OPCML: variants seen among roughly 807,000 people sequenced by gnomAD.
The protein encoded by OPCML is opioid-binding protein/cell adhesion molecule.
A neutral mutation model predicts 37.8 loss-of-function variants in OPCML; 13 were observed. The ratio of observed to expected loss-of-function variants is 0.34; its 90% CI spans 0.22 to 0.55. The LOEUF is 0.55. Ranked by LOEUF, OPCML falls within the 20% of genes least tolerant of loss-of-function variation. The pLI is 0.91. For missense variants in OPCML, 341 were observed against 435.6 expected (o/e 0.78, Z 1.93); for synonymous variants, 176 against 168.8 (o/e 1.04, Z -0.33).
At chr11:133,061,251 T>C (rs1948336289) in intron 1 of OPCML, among the ~76,000 whole-genome samples, 1 of 152,230 alleles carries the variant, frequency 6.6e-6, no homozygotes, top group African/African-American at 2.4e-5. Context: ...TGTTTAAAAC[T>C]GTCTACGTCT....
chr11:133,470,898 C>G (rs74666399), intron 1 of OPCML, among the ~76,000 whole-genome samples: 8,889 of 152,220 alleles, frequency 0.058, 806 homozygotes, highest in African/African-American at 0.2. Context: ...CCAAACAAAG[C>G]TGGTCCCTGA....
At chr11:133,280,097 T>C (rs758164257) in intron 1 of OPCML, among the ~76,000 whole-genome samples, 7 of 152,204 alleles carry the variant, frequency 4.6e-5, no homozygotes, top group Non-Finnish European at 1.0e-4. Context: ...AAGATGGATA[T>C]GGCCTCTGTT....
At chr11:132,777,505 G>C (rs1946845987) in intron 2 of OPCML, among the ~76,000 whole-genome samples, 1 of 152,180 alleles carries the variant, frequency 6.6e-6, no homozygotes, top group African/African-American at 2.4e-5. Context: ...CCACCCAGTG[G>C]AGTTACTAAT....
chr11:133,389,450 C>G (rs1373679624), intron 1 of OPCML, among the ~76,000 whole-genome samples: 2 of 152,134 alleles, frequency 1.3e-5, no homozygotes, highest in African/African-American at 4.8e-5. Flanking sequence ...CCTCTTTGAG[C>G]TCTTGTTTCC....
At chr11:132,706,076 G>A (rs916041679) in intron 2 of OPCML, among the ~76,000 whole-genome samples, 23 of 152,130 alleles carry the variant, frequency 1.5e-4, no homozygotes, top group African/African-American at 5.6e-4. Context: ...AAAGTGCTGG[G>A]ATTACAGGCA....
At position 132,557,937 on chromosome 11, in the gene OPCML, A is replaced by T. The variant is rs77815251; in HGVS notation, c.380-28751T>A. Among the ~76,000 whole-genome samples the T allele has an allele frequency of 3.5e-3, 526 of 152,264 alleles. 1 individual carries two copies. Among genetic ancestry groups the T allele is most frequent in the Admixed American group, 5.7e-3 (87 of 15,308 alleles). On this transcript the variant is annotated intron_variant, in intron 3 of 7. Transcript: ENST00000524381. ...AAAATCTTCTCTTACTCATCTTTTG[A>T]AAAAACAATGTCTTCTATCAGGTGG...
intron 4 of OPCML, among the ~76,000 whole-genome samples, chr11:132,483,630 C>G (rs1592245116): frequency 6.6e-6 from 1 of 152,290 alleles, no homozygotes; most frequent in East Asian, 1.9e-4. Context: ...GCCAAAAGAA[C>G]AAAGCTGGAG....
intron 4 of OPCML, among the ~76,000 whole-genome samples, chr11:132,445,785 A>G (rs2096053080): frequency 6.6e-6 from 1 of 152,160 alleles, no homozygotes; most frequent in African/African-American, 2.4e-5. Context: ...CCAGTTACAC[A>G]TGTATGCTCC....
intron 1 of OPCML, among the ~76,000 whole-genome samples, chr11:133,517,170 T>C (rs899344964): frequency 6.6e-6 from 1 of 152,374 alleles, no homozygotes; most frequent in Non-Finnish European, 1.5e-5. Flanking sequence ...CTCTGAGTGA[T>C]ACACGGATGT....
At chr11:132,660,895 C>T (rs557513150) in intron 2 of OPCML, among the ~76,000 whole-genome samples, 1 of 152,276 alleles carries the variant, frequency 6.6e-6, no homozygotes, top group East Asian at 1.9e-4. Flanking sequence ...CAGAATTACA[C>T]TGCAACCTCA....
In OPCML at chr11:132,733,413, CAG is replaced by C. The variant is rs371872913; in HGVS notation, c.147-76096_147-76095del. Among the ~76,000 whole-genome samples, 26 of 152,058 alleles carry C rather than the reference CAG, an allele frequency of 1.7e-4. No homozygotes were observed. In the East Asian group the frequency reaches 3.9e-3, roughly 23 times the overall value. ...CTAAGAGGCACATAATATTTAGAAA[CAG>C]GGGGAAATAAATTGGATATATGTGT... On this transcript the variant is annotated intron_variant, in intron 2 of 7. Coordinates refer to ENST00000524381, the MANE Select transcript of OPCML (RefSeq NM_001012393.5).
At chr11:132,540,623 A>C (rs1029730909) in intron 3 of OPCML, among the ~76,000 whole-genome samples, 1 of 152,168 alleles carries the variant, frequency 6.6e-6, no homozygotes, top group African/African-American at 2.4e-5. Flanking sequence ...TCTGATTGCT[A>C]TTCTCCTCTG....
intron 2 of OPCML, among the ~76,000 whole-genome samples, chr11:132,896,482 C>A (rs1033820963): frequency 1.3e-5 from 2 of 152,206 alleles, no homozygotes; most frequent in African/African-American, 4.8e-5. Flanking sequence ...AAGTTGAATG[C>A]AGTTTTCAAA....
chr11:132,818,710 CCTTA>C, intron 2 of OPCML, among the ~76,000 whole-genome samples: 1 of 135,636 alleles, frequency 7.4e-6, no homozygotes, highest in South Asian at 2.3e-4. Context: ...TTCTGGAGAA[CCTTA>C]CTAATACATG....
Position 133,134,044 on chromosome 11 carries a change from G to A in OPCML, c.62-191034C>T, listed in dbSNP as rs147363757. On this transcript the variant is annotated intron_variant, in intron 1 of 7. Transcript: ENST00000524381. ...CTTTCAGCTGCCTTTGATAATACAG[G>A]CTCCTGTATCATCCCTGCCACATAA... Among the ~76,000 whole-genome samples the A allele has an allele frequency of 9.2e-5, 14 of 152,138 alleles. No individual in the cohort carries two copies. The East Asian group carries it at 1.5e-3, about 17-fold the overall frequency.
At chr11:132,627,878 A>G (rs961682131) in intron 3 of OPCML, among the ~76,000 whole-genome samples, 1 of 152,210 alleles carries the variant, frequency 6.6e-6, no homozygotes, top group Non-Finnish European at 1.5e-5. Context: ...GAGTTTGGTA[A>G]GACTAAGGTA....
intron 1 of OPCML, among the ~76,000 whole-genome samples, chr11:133,504,558 G>C (rs970107587): frequency 1.3e-5 from 2 of 152,156 alleles, no homozygotes; most frequent in Non-Finnish European, 2.9e-5. Flanking sequence ...TGAGTGCTGA[G>C]ATCTGATTAA....
At chr11:132,864,270 G>A (rs926479165) in intron 2 of OPCML, among the ~76,000 whole-genome samples, 6 of 152,076 alleles carry the variant, frequency 3.9e-5, no homozygotes, top group Non-Finnish European at 5.9e-5. Context: ...CCATGTACAC[G>A]TTAATAAGTT....
intron 1 of OPCML, among the ~76,000 whole-genome samples, chr11:133,167,536 T>TA (rs1303984579): frequency 6.6e-6 from 1 of 151,950 alleles, no homozygotes; most frequent in East Asian, 1.9e-4. Context: ...TCTTTTTTTT[T>TA]TTTTTCAGGT....
Sources: gnomAD v4.1 joint callset for allele counts (sites outside exome capture counted in the v4.1 genomes callset) on GRCh38, gnomAD v4.1.1 for gene constraint, MANE v1.5 for transcripts, NCBI Gene and HGNC (gene_info 2026-07-23, HGNC 2026-07-21) for gene names.